Variants in AGBL4 observed in about 807,000 individuals in gnomAD.
AGBL4 encodes the protein cytosolic carboxypeptidase 6.
AGBL4 carries 58 observed loss-of-function variants against 66.4 expected under a neutral mutation model. The observed-to-expected ratio is 0.87, with a 90% CI of 0.71 to 1.09. The LOEUF (loss-of-function observed/expected upper bound fraction) is 1.09. Among genes scored for constraint, AGBL4 ranks in the 50% least tolerant of loss-of-function variants. AGBL4 has a pLI of 0.00. For missense variants in AGBL4, 579 were observed against 631.0 expected (o/e 0.92, Z 0.88); for synonymous variants, 234 against 222.9 (o/e 1.05, Z -0.44).
chr1:49,234,182 G>T (rs1650537455), intron 4 of AGBL4, among the ~76,000 whole-genome samples: 1 of 152,144 alleles, frequency 6.6e-6, no homozygotes, highest in Non-Finnish European at 1.5e-5. Flanking sequence ...CAATATTACA[G>T]TTGGCCTACC....
chr1:48,609,808 C>A (rs1038308160), intron 9 of AGBL4, among the ~76,000 whole-genome samples: 1 of 152,170 alleles, frequency 6.6e-6, no homozygotes, highest in African/African-American at 2.4e-5. Flanking sequence ...CTGGCCAACT[C>A]CTATTTATCC....
At chr1:49,907,682 A>G (rs956264117) in intron 1 of AGBL4, among the ~76,000 whole-genome samples, 2 of 152,176 alleles carry the variant, frequency 1.3e-5, no homozygotes, top group Non-Finnish European at 2.9e-5. Flanking sequence ...AGATAAATAC[A>G]TGGAGCACAG....
chr1:49,063,276 T>C (rs78053216), intron 4 of AGBL4, among the ~76,000 whole-genome samples: 1 of 152,214 alleles, frequency 6.6e-6, no homozygotes, highest in Non-Finnish European at 1.5e-5. Flanking sequence ...CTTTCAACCA[T>C]TTTTTAGCTA....
chr1:48,830,576 C>G (rs555966069), intron 6 of AGBL4, among the ~76,000 whole-genome samples: 18 of 152,160 alleles, frequency 1.2e-4, no homozygotes, highest in Non-Finnish European at 2.5e-4. Flanking sequence ...AATGAATGAA[C>G]AAATGGTTTA....
chr1:48,941,468 T>C (rs1655968205), intron 5 of AGBL4, among the ~76,000 whole-genome samples: 3 of 152,182 alleles, frequency 2.0e-5, no homozygotes, highest in Admixed American at 6.5e-5. Flanking sequence ...AGTTTCAGCC[T>C]AGAAGTAGTT....
chr1:49,006,332 G>A (rs542125565), intron 5 of AGBL4, among the ~76,000 whole-genome samples: 23 of 152,132 alleles, frequency 1.5e-4, no homozygotes, highest in Non-Finnish European at 2.8e-4. Flanking sequence ...CTTAAAAAAC[G>A]GCGCACCACG....
At chr1:49,388,156 A>G (rs909448288) in intron 3 of AGBL4, among the ~76,000 whole-genome samples, 1 of 152,116 alleles carries the variant, frequency 6.6e-6, no homozygotes, top group African/African-American at 2.4e-5. Context: ...GCCTCTTCCT[A>G]AAATAATCAT....
At chr1:48,783,426 G>A (rs868444463) in intron 6 of AGBL4, among the ~76,000 whole-genome samples, 2 of 152,254 alleles carry the variant, frequency 1.3e-5, no homozygotes, top group African/African-American at 4.8e-5. Flanking sequence ...AGGCTTAAAG[G>A]CCAATGAACA....
chr1:49,985,442 G>T (rs534659299), intron 1 of AGBL4, among the ~76,000 whole-genome samples: 2 of 151,482 alleles, frequency 1.3e-5, no homozygotes, highest in Non-Finnish European at 3.0e-5. Context: ...GGGTGTAGAC[G>T]ATGGATGGAA....
intron 2 of AGBL4, among the ~76,000 whole-genome samples, chr1:49,838,122 G>C (rs1344905540): frequency 6.6e-6 from 1 of 152,172 alleles, no homozygotes; most frequent in African/African-American, 2.4e-5. Flanking sequence ...AGGCCAAATG[G>C]GGAGAGTGGG....
At chr1:48,927,526 C>T (rs1014997853) in intron 5 of AGBL4, among the ~76,000 whole-genome samples, 2 of 152,142 alleles carry the variant, frequency 1.3e-5, no homozygotes, top group South Asian at 4.1e-4. Flanking sequence ...CACCTAGAAA[C>T]AGGTTTTCCC....
chr1:48,978,859 A>G (rs1659541699), intron 5 of AGBL4, among the ~76,000 whole-genome samples: 1 of 152,170 alleles, frequency 6.6e-6, no homozygotes, highest in Admixed American at 6.6e-5. Context: ...CAATGTTTTC[A>G]ATCTTTAAAA....
intron 9 of AGBL4, among the ~76,000 whole-genome samples, chr1:48,627,576 G>T (rs1036537838): frequency 6.0e-5 from 9 of 150,882 alleles, no homozygotes; most frequent in African/African-American, 2.2e-4. Context: ...GCTGCAGGAG[G>T]CAAGAAAAGA....
chr1:49,102,108 C>A (rs1425039139), intron 4 of AGBL4, among the ~76,000 whole-genome samples: 1 of 152,026 alleles, frequency 6.6e-6, no homozygotes, highest in African/African-American at 2.4e-5. Flanking sequence ...CCTTAGACGG[C>A]CAAACACAGA....
At chr1:49,003,869 T>A (rs1661578617) in intron 5 of AGBL4, among the ~76,000 whole-genome samples, 1 of 152,152 alleles carries the variant, frequency 6.6e-6, no homozygotes. Flanking sequence ...CTTAGTAATA[T>A]CACCCAAACA....
At chr1:49,713,366 T>C (rs1190353657) in intron 2 of AGBL4, among the ~76,000 whole-genome samples, 1 of 152,094 alleles carries the variant, frequency 6.6e-6, no homozygotes, top group African/African-American at 2.4e-5. Flanking sequence ...CCTTTTCTCA[T>C]GTTAACACCT....
chr1:48,611,588 A>G (rs1361015704), intron 9 of AGBL4, among the ~76,000 whole-genome samples: 1 of 152,266 alleles, frequency 6.6e-6, no homozygotes, highest in Admixed American at 6.5e-5. Flanking sequence ...AATTCTTACC[A>G]TAGAATGAGA....
intron 11 of AGBL4, among the ~76,000 whole-genome samples, chr1:48,559,654 T>C (rs1185361036): frequency 6.6e-6 from 1 of 152,208 alleles, no homozygotes; most frequent in Non-Finnish European, 1.5e-5. Context: ...CCCTCCACTG[T>C]GGCTGCTAGA....
At chr1:49,028,285 C>T in intron 5 of AGBL4, among the ~76,000 whole-genome samples, 1 of 152,118 alleles carries the variant, frequency 6.6e-6, no homozygotes, top group East Asian at 1.9e-4. Flanking sequence ...CTTGCCCCTG[C>T]AAAAGGGGTC....
Sources: allele counts gnomAD v4.1 joint callset (sites outside exome capture counted in the v4.1 genomes callset), GRCh38; gene constraint gnomAD v4.1.1; transcripts MANE v1.5; gene names NCBI Gene and HGNC (gene_info 2026-07-23, HGNC 2026-07-21).